The following KMT2A variants were observed in gnomAD, a reference collection of about 807,000 sequenced individuals.
KMT2A encodes lysine methyltransferase 2A.
In KMT2A, 16 loss-of-function variants were observed where a neutral mutation model predicts 345.3. The ratio of observed to expected loss-of-function variants is 0.05; its 90% CI spans 0.03 to 0.07. The LOEUF (loss-of-function observed/expected upper bound fraction) is 0.07. KMT2A is among the 10% of genes least tolerant of loss of function. The pLI is 1.00. For synonymous variants in KMT2A, 1,599 were observed against 1,778.6 expected, an observed-to-expected ratio of 0.90 and a Z score of 2.54; for missense variants, 3,272 against 4,841.6, an observed-to-expected ratio of 0.68 and a Z score of 9.62.
Position 118,478,026 on chromosome 11 carries a change from A to G in KMT2A, c.3394A>G (p.Ile1132Val). 6.2e-7 allele frequency: 1 copy of G among 1,614,132 alleles called. No individual in the cohort carries two copies. Among genetic ancestry groups the G allele is most frequent in the Middle Eastern group, 1.6e-4 (1 of 6,062 alleles). ...AEPLAPPIKP[I>V]KPVTRNKAPQ... ...ACCTCTTGCTCCACCCATCAAACCA[A>G]TTAAACCTGTCACTAGAAACAAGGC... The change falls in exon 5 of 36, where the codon ATT (isoleucine) becomes GTT (valine). Residue 1132 changes from isoleucine (I) to valine (V), a missense_variant. Ile to Val is a conservative substitution (Grantham distance 29, BLOSUM62 3). This residue lies in a region of KMT2A where 33 missense variants were observed against 46.5 expected (regional missense o/e 0.71). Transcript: ENST00000534358.
rs1555046491 is a variant in KMT2A at position 118,503,172 on chromosome 11, A to G, written c.7280A>G (p.Asp2427Gly). The G allele has an allele frequency of 1.2e-6, 2 of 1,613,972 alleles. No individual in the cohort carries two copies. The highest frequency in any genetic ancestry group is 3.3e-5 in the Admixed American group (2 of 60,006). ...INEHMGSSSR[D>G]RRQKGKKSCK... is the part of the protein sequence containing the mutation. ...GAACATATGGGATCTAGTTCCAGAGATAGGAGACAGAAAGGGAAAAAATCC... is the reference window on the plus strand; with the variant it reads ...GAACATATGGGATCTAGTTCCAGAGGTAGGAGACAGAAAGGGAAAAAATCC... The change falls in exon 27 of 36, where the codon GAT (aspartate) becomes GGT (glycine). Residue 2427 changes from aspartate (D) to glycine (G), a missense_variant. Physicochemically the swap from Asp to Gly is moderately conservative, Grantham distance 94. Around this residue, in one of 27 missense-constraint regions of KMT2A, gnomAD observed 445 missense variants for 500.9 expected, o/e 0.89. Transcript: ENST00000534358. The surrounding 1 kb of genome is among the most constrained non-coding windows in gnomAD (Gnocchi z 5.3).
chr11:118,456,671 C>T (rs1161387605), intron 1 of KMT2A, among the ~76,000 whole-genome samples: 1 of 152,206 alleles, frequency 6.6e-6, no homozygotes, highest in Non-Finnish European at 1.5e-5. Context: ...AGGTATTCCT[C>T]AGAACTCTGC....
rs1950193708 is a variant in KMT2A at position 118,484,356 on chromosome 11, G to T, written c.4218+42G>T. 1 of 1,595,146 alleles carries T rather than the reference G, an allele frequency of 6.3e-7. No individual in the cohort carries two copies. The highest frequency in any genetic ancestry group is 1.3e-5 in the African/African-American group (1 of 74,124). On this transcript the variant is annotated intron_variant, in intron 9 of 35. Transcript: ENST00000534358. This position sits in a 1 kb window ranked among gnomAD's most constrained non-coding sequence, Gnocchi z 4.1. ...ATCATAAAGTATATTGAGTGTCAAA[G>T]ACTTTAAATAAAGAAAATGCTACTA...
chr11:118,484,962 G>C lies in KMT2A; in HGVS notation c.4319G>C (p.Ser1440Thr), dbSNP rs1555040472. The C allele has an allele frequency of 3.1e-6, 5 of 1,606,982 alleles. No individual in the cohort carries two copies. Among genetic ancestry groups the C allele is most frequent in the Non-Finnish European group, 4.3e-6 (5 of 1,173,820 alleles). Residue 1440 changes from serine (S) to threonine (T), a missense_variant, in exon 10 of 36, where the codon AGT (serine) becomes ACT (threonine). Ser to Thr is a moderately conservative substitution (Grantham distance 58). Around this residue, in one of 27 missense-constraint regions of KMT2A, gnomAD observed 120 missense variants for 280.4 expected, o/e 0.43. Coordinates refer to ENST00000534358, the MANE Select transcript of KMT2A (RefSeq NM_001197104.2). This position sits in a 1 kb window ranked among gnomAD's most constrained non-coding sequence, Gnocchi z 4.1. ...GTGGTTTGCTTTCTCTGTGCCAGTAGTGGGCATGTAGAGGTAAGGCATCCT... is the reference window on the plus strand; with the variant it reads ...GTGGTTTGCTTTCTCTGTGCCAGTACTGGGCATGTAGAGGTAAGGCATCCT... ...PRVVCFLCAS[S>T]GHVEFVYCQV... is the part of the protein sequence containing the mutation.
chr11:118,455,230 G>T (rs1468187100), intron 1 of KMT2A, among the ~76,000 whole-genome samples: 1 of 151,982 alleles, frequency 6.6e-6, no homozygotes, highest in Non-Finnish European at 1.5e-5. Flanking sequence ...TTTATTTTCT[G>T]TCTCTCCATT....
chr11:118,499,516 T>A, intron 23 of KMT2A, 96 bp downstream of exon 23: 2 of 835,552 alleles, frequency 2.4e-6, no homozygotes, highest in Non-Finnish European at 4.1e-6. Context: ...AGGTGTGGTG[T>A]CTCACGCCTG....
rs782013822 is a variant in KMT2A, at chr11:118,500,969, C to T, written c.6159-18C>T. On this transcript the variant is annotated intron_variant, in intron 24 of 35. Transcript: ENST00000534358. ...TATCCTCTCCCTTATGATGATTTTC[C>T]CAAATCTGTTTACCCAGGTGTTCCA... The T allele has an allele frequency of 1.0e-5, 16 of 1,598,328 alleles. 1 individual carries two copies. The East Asian group carries it at 2.7e-4, about 27-fold the overall frequency.
In KMT2A at chr11:118,506,237, G is replaced by A. The variant is rs2134412005; in HGVS notation, c.10345G>A (p.Ala3449Thr). 1 of 1,614,198 alleles carries A rather than the reference G, an allele frequency of 6.2e-7. No individual in the cohort carries two copies. Among genetic ancestry groups the A allele is most frequent in the African/African-American group, 1.3e-5 (1 of 75,050 alleles). Reference protein sequence around the residue: ...GITAASPSGEADEHYQLQHVN... With the variant: ...GITAASPSGETDEHYQLQHVN... ...AACAGCCGCTTCACCTTCTGGGGAA[G>A]CAGACGAACACTATCAGCTTCAGCA... Residue 3449 changes from alanine to threonine, a missense_variant, in exon 27 of 36, where the codon GCA becomes ACA. Around this residue, in one of 27 missense-constraint regions of KMT2A, gnomAD observed 748 missense variants for 922.2 expected, o/e 0.81. Transcript: ENST00000534358.
At chr11:118,478,235 C>G in intron 5 of KMT2A, 34 bp downstream of exon 5, 1 of 1,526,990 alleles carries the variant, frequency 6.5e-7, no homozygotes, top group Non-Finnish European at 9.0e-7. Context: ...ATGTTGACCT[C>G]TCAACCATAA....
chr11:118,482,740 T>C (rs1307287255), intron 8 of KMT2A, among the ~76,000 whole-genome samples: 1 of 144,536 alleles, frequency 6.9e-6, no homozygotes, highest in Non-Finnish European at 1.5e-5. Context: ...CAAGACCCTG[T>C]CTTTATTTAA....
intron 1 of KMT2A, among the ~76,000 whole-genome samples, chr11:118,442,064 TC>T (rs1949326100): frequency 6.6e-6 from 1 of 152,184 alleles, no homozygotes; most frequent in Admixed American, 6.5e-5. Flanking sequence ...ATTGTAGGTC[TC>T]CTAATTAAGA....
In KMT2A at chr11:118,504,039, A is replaced by G; in HGVS notation, c.8147A>G (p.Lys2716Arg). ...FREEEQCDLP[K>R]ISQLDGVDDG... Reference sequence around the variant, plus strand: ...GAGGAGGAACAGTGTGATCTTCCAAAAATCTCACAGTTGGATGGTGTTGAT... The same window carrying G: ...GAGGAGGAACAGTGTGATCTTCCAAGAATCTCACAGTTGGATGGTGTTGAT... Residue 2716 changes from lysine (K) to arginine (R), a missense_variant, in exon 27 of 36, where the codon AAA becomes AGA. By Grantham distance (26) the Lys-to-Arg change is conservative. This residue lies in a region of KMT2A where 47 missense variants were observed against 53.6 expected (regional missense o/e 0.88). Transcript: ENST00000534358. The surrounding 1 kb of genome is among the most constrained non-coding windows in gnomAD (Gnocchi z 6.4). 6.2e-7 allele frequency: 1 copy of G among 1,614,198 alleles called. No individual in the cohort carries two copies. Among genetic ancestry groups the G allele is most frequent in the Non-Finnish European group, 8.5e-7 (1 of 1,180,008 alleles).
At chr11:118,479,440 G>A (rs1294856582) in intron 5 of KMT2A, among the ~76,000 whole-genome samples, 1 of 152,212 alleles carries the variant, frequency 6.6e-6, no homozygotes, top group African/African-American at 2.4e-5. Context: ...GAATGAGTGA[G>A]TCACATGCAA....
Position 118,498,337 on chromosome 11 carries a change from C to G in KMT2A, c.5803-33C>G. ...TAAACGTCTTAAAACATATGAAAGT[C>G]TGAATAGGACTCTGTTCTTTTTGGA... On this transcript the variant is annotated intron_variant, in intron 21 of 35. Transcript: ENST00000534358. This position sits in a 1 kb window ranked among gnomAD's most constrained non-coding sequence, Gnocchi z 4.4. The G allele has an allele frequency of 6.3e-7, 1 of 1,580,010 alleles. No individual in the cohort carries two copies. Among genetic ancestry groups the G allele is most frequent in the Admixed American group, 1.9e-5 (1 of 53,210 alleles).
chr11:118,448,165 G>A (rs568368313), intron 1 of KMT2A: 3 of 152,478 alleles, frequency 2.0e-5, no homozygotes, highest in Admixed American at 6.5e-5. Context: ...GGAGCTAAGA[G>A]AGAAATCTTA....
At chr11:118,442,257 C>G (rs2134172126) in intron 1 of KMT2A, among the ~76,000 whole-genome samples, 1 of 152,326 alleles carries the variant, frequency 6.6e-6, no homozygotes, top group South Asian at 2.1e-4. Flanking sequence ...TTGTGACTAT[C>G]ACTACTTTGG....
chr11:118,504,327 G>C lies in KMT2A; in HGVS notation c.8435G>C (p.Arg2812Thr). ...CTCAGCTCATTGGAGTCAAGCCGCA[G>C]AGTCCACACAAGTACCCCCTCCGAC... Reference protein sequence around the residue: ...AQLSSLESSRRVHTSTPSDKN... With the variant: ...AQLSSLESSRTVHTSTPSDKN... Residue 2812 changes from arginine to threonine, a missense_variant, in exon 27 of 36, where the codon AGA (arginine) becomes ACA (threonine). Arg to Thr is a moderately conservative substitution (Grantham distance 71). Around this residue, in one of 27 missense-constraint regions of KMT2A, gnomAD observed 100 missense variants for 101.3 expected, o/e 0.99. Coordinates refer to ENST00000534358, the MANE Select transcript of KMT2A (RefSeq NM_001197104.2). This position sits in a 1 kb window ranked among gnomAD's most constrained non-coding sequence, Gnocchi z 6.4. 6.2e-7 allele frequency: 1 copy of C among 1,614,182 alleles called. No individual in the cohort carries two copies. The highest frequency in any genetic ancestry group is 8.5e-7 in the Non-Finnish European group (1 of 1,180,026).
chr11:118,519,591 C>T (rs1173289031), intron 31 of KMT2A, 27 bp from the exon 32 acceptor site: 1 of 1,601,384 alleles, frequency 6.2e-7, no homozygotes, highest in Non-Finnish European at 8.6e-7. Flanking sequence ...GCGCTCCTCA[C>T]TTCCCTGGTG....
rs782541228 is a variant in KMT2A, at chr11:118,521,306, G to A, written c.11532G>A (p.Arg3844=). The change falls in exon 35 of 36, where the codon CGG becomes CGA. Residue 3844 remains arginine (R), a synonymous_variant. Coordinates refer to ENST00000534358, the MANE Select transcript of KMT2A (RefSeq NM_001197104.2). This position sits in a 1 kb window ranked among gnomAD's most constrained non-coding sequence, Gnocchi z 5.3. ...VGVYRSPIHG[R]GLFCKRNIDA... The stretch of plus-strand genomic sequence containing the variant: ...GTCCTAGGTCTCCCATCCATGGCCG[G>A]GGTCTTTTCTGTAAGAGAAACATTG... 1 of 1,613,912 alleles carries A rather than the reference G, an allele frequency of 6.2e-7. No individual in the cohort carries two copies. Among genetic ancestry groups the A allele is most frequent in the East Asian group, 2.2e-5 (1 of 44,874 alleles).
Sources: gnomAD v4.1 joint callset for allele counts (sites outside exome capture counted in the v4.1 genomes callset) on GRCh38, gnomAD v4.1.1 for gene constraint, gnomAD v4.1.1 regional missense constraint, Gnocchi (gnomAD v3.1) non-coding constraint, MANE v1.5 for transcripts, NCBI Gene and HGNC (gene_info 2026-07-23, HGNC 2026-07-21) for gene names.